Variants in ADAMTSL1 observed in about 807,000 individuals in gnomAD.
The protein encoded by ADAMTSL1 is ADAMTS like 1.
ADAMTSL1 carries 126 observed loss-of-function variants against 201.8 expected under a neutral mutation model. The observed-to-expected ratio is 0.62, with a 90% CI of 0.54 to 0.72. ADAMTSL1 has a LOEUF of 0.72. ADAMTSL1 is among the 30% of genes least tolerant of loss of function. The pLI is 0.00. For missense variants in ADAMTSL1, 2,679 were observed against 2,277.8 expected, an observed-to-expected ratio of 1.18 and a Z score of -3.59; for synonymous variants, 1,121 against 903.4, an observed-to-expected ratio of 1.24 and a Z score of -4.32.
chr9:18,223,314 T>G (rs1406097440), intron 2 of ADAMTSL1, among the ~76,000 whole-genome samples: 2 of 152,122 alleles, frequency 1.3e-5, no homozygotes, highest in Non-Finnish European at 2.9e-5. Context: ...ATAATGCAAT[T>G]ATTCTAAAAT....
chr9:18,903,882 C>T (rs113857792), intron 26 of ADAMTSL1, among the ~76,000 whole-genome samples: 4,324 of 152,070 alleles, frequency 0.028, 120 homozygotes, highest in South Asian at 0.13. Flanking sequence ...AGTGGACCTG[C>T]CCAGTTCAAA....
At chr9:18,436,237 T>A (rs1487380819) in intron 2 of ADAMTSL1, among the ~76,000 whole-genome samples, 1 of 152,080 alleles carries the variant, frequency 6.6e-6, no homozygotes, top group African/African-American at 2.4e-5. Flanking sequence ...CGGGGAAGGA[T>A]GTGGGGCTTG....
In ADAMTSL1 at chr9:18,908,564, A is replaced by G; in HGVS notation, c.*16A>G. On this transcript the variant is annotated 3_prime_UTR_variant, in exon 29 of 29. Transcript: ENST00000380548. ...CAAAGCGTGAAGATAGGGTGTGGGG[A>G]AAAACTCTACCCTGGCCACACGAAG... The G allele has an allele frequency of 6.5e-7, 1 of 1,549,612 alleles. No individual in the cohort carries two copies. Among genetic ancestry groups the G allele is most frequent in the Non-Finnish European group, 8.7e-7 (1 of 1,144,428 alleles).
intron 2 of ADAMTSL1, among the ~76,000 whole-genome samples, chr9:18,422,548 C>T (rs1406905464): frequency 6.6e-6 from 1 of 152,114 alleles, no homozygotes; most frequent in African/African-American, 2.4e-5. Context: ...CAACAGGCTC[C>T]GCTACTCCTG....
chr9:18,232,868 T>G (rs1308528005), intron 2 of ADAMTSL1, among the ~76,000 whole-genome samples: 1 of 152,198 alleles, frequency 6.6e-6, no homozygotes, highest in Non-Finnish European at 1.5e-5. Flanking sequence ...ACTTTGATAT[T>G]CAGCATATTA....
intron 4 of ADAMTSL1, among the ~76,000 whole-genome samples, chr9:18,590,705 T>C (rs1194708087): frequency 1.3e-5 from 2 of 152,108 alleles, no homozygotes; most frequent in South Asian, 2.1e-4. Context: ...TAGTTTTTGG[T>C]ACATTGTACT....
intron 2 of ADAMTSL1, among the ~76,000 whole-genome samples, chr9:18,331,667 G>T (rs1037750339): frequency 6.6e-6 from 1 of 152,042 alleles, no homozygotes; most frequent in African/African-American, 2.4e-5. Context: ...AAAACAATTT[G>T]CCACAAGACC....
intron 2 of ADAMTSL1, among the ~76,000 whole-genome samples, chr9:18,285,654 T>A (rs1832964183): frequency 6.6e-6 from 1 of 152,088 alleles, no homozygotes; most frequent in African/African-American, 2.4e-5. Context: ...CACTTTGTCA[T>A]CATGTTATCC....
intron 2 of ADAMTSL1, among the ~76,000 whole-genome samples, chr9:18,430,686 C>T (rs1173123821): frequency 2.6e-5 from 4 of 152,148 alleles, no homozygotes; most frequent in Non-Finnish European, 5.9e-5. Context: ...GACACTAAGC[C>T]AAGGCCAATC....
intron 3 of ADAMTSL1, among the ~76,000 whole-genome samples, chr9:18,559,883 G>T (rs1280515850): frequency 6.6e-6 from 1 of 152,170 alleles, no homozygotes; most frequent in Non-Finnish European, 1.5e-5. Flanking sequence ...TGCTAAAGTT[G>T]CTTATCAGCT....
intron 9 of ADAMTSL1, among the ~76,000 whole-genome samples, chr9:18,673,146 A>G (rs1017484507): frequency 6.6e-6 from 1 of 152,054 alleles, no homozygotes; most frequent in African/African-American, 2.4e-5. Flanking sequence ...ATGTACACAC[A>G]CCCACATCGA....
intron 2 of ADAMTSL1, among the ~76,000 whole-genome samples, chr9:18,369,045 G>A (rs73643251): frequency 0.034 from 5,104 of 152,214 alleles, 307 homozygotes; most frequent in African/African-American, 0.12. Flanking sequence ...GTCAATGAAA[G>A]GAACTGGAAC....
At chr9:18,236,549 A>T (rs1280360228) in intron 2 of ADAMTSL1, among the ~76,000 whole-genome samples, 1 of 152,212 alleles carries the variant, frequency 6.6e-6, no homozygotes, top group African/African-American at 2.4e-5. Context: ...TGTGATGATG[A>T]TGGAAAATGT....
At chr9:18,736,404 A>G (rs1306839075) in intron 15 of ADAMTSL1, among the ~76,000 whole-genome samples, 1 of 152,194 alleles carries the variant, frequency 6.6e-6, no homozygotes, top group Non-Finnish European at 1.5e-5. Context: ...CATCCCAGGC[A>G]CACCTAGAAA....
intron 2 of ADAMTSL1, among the ~76,000 whole-genome samples, chr9:18,422,856 TG>T (rs1819024184): frequency 6.6e-6 from 1 of 152,226 alleles, no homozygotes; most frequent in East Asian, 1.9e-4. Context: ...TCCCTGTGGA[TG>T]AAGACTTTAT....
intron 1 of ADAMTSL1, among the ~76,000 whole-genome samples, chr9:18,008,068 T>C (rs1167342244): frequency 6.6e-6 from 1 of 152,004 alleles, no homozygotes; most frequent in East Asian, 1.9e-4. Flanking sequence ...TAACACTGCA[T>C]TGGTAATTTC....
intron 4 of ADAMTSL1, among the ~76,000 whole-genome samples, chr9:18,576,726 A>G (rs1190528702): frequency 1.3e-5 from 2 of 152,212 alleles, no homozygotes; most frequent in Admixed American, 6.5e-5. Context: ...TTTATAATAT[A>G]TACCTAATTC....
chr9:18,451,688 C>T (rs1238722593), intron 2 of ADAMTSL1, among the ~76,000 whole-genome samples: 2 of 152,228 alleles, frequency 1.3e-5, no homozygotes, highest in African/African-American at 4.8e-5. Flanking sequence ...CACAGTTCTT[C>T]TTCAAGCCTG....
chr9:18,705,231 A>C (rs975559830), intron 13 of ADAMTSL1, among the ~76,000 whole-genome samples: 1 of 152,224 alleles, frequency 6.6e-6, no homozygotes, highest in Admixed American at 6.5e-5. Context: ...GCCAAAGTCA[A>C]GGTTAAGGAG....
Sources: allele counts gnomAD v4.1 joint callset (sites outside exome capture counted in the v4.1 genomes callset), GRCh38; gene constraint gnomAD v4.1.1; transcripts MANE v1.5; gene names NCBI Gene and HGNC (gene_info 2026-07-23, HGNC 2026-07-21).